PDE1A: variants seen among roughly 807,000 people sequenced by gnomAD.
The protein encoded by PDE1A is phosphodiesterase 1A.
In PDE1A, 35 loss-of-function variants were observed where a neutral mutation model predicts 61.7. The observed-to-expected ratio is 0.57, with a 90% CI of 0.43 to 0.75. PDE1A has a LOEUF of 0.75. Among genes scored for constraint, PDE1A ranks in the 30% least tolerant of loss-of-function variants. PDE1A has a pLI of 0.00. For synonymous variants in PDE1A, 232 were observed against 213.2 expected (o/e 1.09, Z -0.77); for missense variants, 597 against 630.6 (o/e 0.95, Z 0.57).
At chr2:182,376,611 C>T (rs1700420418) in intron 1 of PDE1A, among the ~76,000 whole-genome samples, 1 of 152,328 alleles carries the variant, frequency 6.6e-6, no homozygotes, top group South Asian at 2.1e-4. Context: ...CTGTTCCAAC[C>T]TCTGCCTGTT....
chr2:182,655,611 G>C, the PDE1A span, among the ~76,000 whole-genome samples: 1 of 152,204 alleles, frequency 6.6e-6, no homozygotes, highest in Admixed American at 6.5e-5. Flanking sequence ...TAGACAATGA[G>C]AGAAGGAAGG....
At chr2:182,250,729 A>G (rs1375190929) in intron 2 of PDE1A, among the ~76,000 whole-genome samples, 5 of 152,128 alleles carry the variant, frequency 3.3e-5, no homozygotes, top group Admixed American at 6.6e-5. Context: ...CCTTAGCTCA[A>G]TTCCCAAAAG....
intron 1 of PDE1A, among the ~76,000 whole-genome samples, chr2:182,290,370 A>C (rs902923966): frequency 2.0e-5 from 3 of 152,140 alleles, no homozygotes; most frequent in African/African-American, 7.2e-5. Context: ...CTTTTGGTGG[A>C]AAGACTGAAA....
intron 2 of PDE1A, among the ~76,000 whole-genome samples, chr2:182,504,976 A>G (rs1689307725): frequency 6.6e-6 from 1 of 152,208 alleles, no homozygotes; most frequent in African/African-American, 2.4e-5. Flanking sequence ...AGCAAACAAC[A>G]TGTTGTAGCC....
chr2:182,338,320 G>A (rs1383213961), intron 1 of PDE1A, among the ~76,000 whole-genome samples: 3 of 152,154 alleles, frequency 2.0e-5, no homozygotes, highest in Non-Finnish European at 4.4e-5. Flanking sequence ...TCACTTCACA[G>A]GGACTTCATG....
intron 7 of PDE1A, among the ~76,000 whole-genome samples, chr2:182,211,287 G>A (rs988820352): frequency 3.3e-5 from 5 of 152,134 alleles, no homozygotes; most frequent in African/African-American, 1.2e-4. Context: ...TTGCTTCACT[G>A]TATTGCTTTT....
At chr2:182,199,833 AT>A (rs1170799924) in intron 10 of PDE1A, among the ~76,000 whole-genome samples, 1 of 152,198 alleles carries the variant, frequency 6.6e-6, no homozygotes, top group African/African-American at 2.4e-5. Context: ...AAATTGCAAT[AT>A]AAAAATGAAA....
chr2:182,350,788 G>C (rs1319400249), intron 1 of PDE1A, among the ~76,000 whole-genome samples: 1 of 152,076 alleles, frequency 6.6e-6, no homozygotes, highest in African/African-American at 2.4e-5. Flanking sequence ...AAGGGACCAA[G>C]GTAGAGTCCC....
chr2:182,411,107 C>G (rs1702586636), intron 1 of PDE1A, among the ~76,000 whole-genome samples: 1 of 152,236 alleles, frequency 6.6e-6, no homozygotes, highest in African/African-American at 2.4e-5. Flanking sequence ...TCGTTGCCAA[C>G]ACCCTAGAAG....
At chr2:182,356,929 G>T (rs1699217777) in intron 1 of PDE1A, among the ~76,000 whole-genome samples, 2 of 151,922 alleles carry the variant, frequency 1.3e-5, no homozygotes, top group African/African-American at 4.8e-5. Context: ...ACTATCACAA[G>T]GACAAAAAAC....
At chr2:182,378,093 G>A (rs958493799) in intron 1 of PDE1A, among the ~76,000 whole-genome samples, 3 of 152,016 alleles carry the variant, frequency 2.0e-5, no homozygotes, top group African/African-American at 4.8e-5. Context: ...TGATCCACCC[G>A]CCTCAGCCTC....
At chr2:182,249,453 G>A (rs889498779) in intron 2 of PDE1A, among the ~76,000 whole-genome samples, 8 of 152,218 alleles carry the variant, frequency 5.3e-5, no homozygotes, top group Non-Finnish European at 1.2e-4. Context: ...ATGGGGAGAG[G>A]AACACCAAAG....
At chr2:182,192,975 T>A (rs1275252585) in intron 10 of PDE1A, among the ~76,000 whole-genome samples, 2 of 151,980 alleles carry the variant, frequency 1.3e-5, no homozygotes, top group Non-Finnish European at 2.9e-5. Flanking sequence ...ATTTCTATAG[T>A]TTTGCTTTGT....
At chr2:182,303,543 A>G (rs557360306) in intron 1 of PDE1A, among the ~76,000 whole-genome samples, 1 of 152,236 alleles carries the variant, frequency 6.6e-6, no homozygotes, top group South Asian at 2.1e-4. Context: ...TAGCTCTGTT[A>G]TTTTATTCTT....
At chr2:182,205,817 C>G in intron 8 of PDE1A, 123 bp downstream of exon 8, 1 of 793,824 alleles carries the variant, frequency 1.3e-6, no homozygotes, top group Non-Finnish European at 2.0e-6. Context: ...GTCATCCAGT[C>G]GACAGTAATT....
intron 2 of PDE1A, among the ~76,000 whole-genome samples, chr2:182,257,460 A>G (rs1691904290): frequency 6.6e-6 from 1 of 152,164 alleles, no homozygotes; most frequent in Non-Finnish European, 1.5e-5. Flanking sequence ...TTTTAGTTAC[A>G]CTAAAAAAAG....
At chr2:182,250,907 A>G (rs1691352253) in intron 2 of PDE1A, among the ~76,000 whole-genome samples, 1 of 152,130 alleles carries the variant, frequency 6.6e-6, no homozygotes, top group East Asian at 1.9e-4. Context: ...AAAGGACCCA[A>G]AGAATGTTGA....
intron 1 of PDE1A, among the ~76,000 whole-genome samples, chr2:182,416,586 A>G (rs978640428): frequency 1.3e-5 from 2 of 152,182 alleles, no homozygotes; most frequent in Non-Finnish European, 2.9e-5. Flanking sequence ...AATGTTAACT[A>G]TGGAGAAGTT....
chr2:182,242,123 C>CTAATCTCCT, intron 2 of PDE1A: 1 of 1,219,672 alleles, frequency 8.2e-7, no homozygotes, highest in Non-Finnish European at 1.0e-6. Flanking sequence ...GTTTTGTCAG[C>CTAATCTCCT]TAATCTCCTT....
Sources: gnomAD v4.1 joint callset for allele counts (sites outside exome capture counted in the v4.1 genomes callset) on GRCh38, gnomAD v4.1.1 for gene constraint, MANE v1.5 for transcripts, NCBI Gene and HGNC (gene_info 2026-07-23, HGNC 2026-07-21) for gene names.